Variants in CCDC163 observed in about 807,000 individuals in gnomAD.
The protein encoded by CCDC163 is transmembrane protein CCDC163.
A neutral mutation model predicts 8.2 loss-of-function variants in CCDC163; 13 were observed. The ratio of observed to expected loss-of-function variants is 1.59; its 90% CI spans 1.04 to 2.54. The LOEUF is 2.54. CCDC163 is among the 30% of genes most tolerant of loss of function. CCDC163 has a pLI of 0.00. For missense variants in CCDC163, 117 were observed against 78.6 expected (o/e 1.49, Z -1.85); for synonymous variants, 41 against 30.9 (o/e 1.33, Z -1.08).
intron 4 of CCDC163, chr1:45,496,124 A>G (rs986902476): frequency 1.7e-5 from 5 of 292,790 alleles, no homozygotes; most frequent in Non-Finnish European, 3.3e-5. Flanking sequence ...GACCTGTGAG[A>G]CAATTTCCCT....
At position 45,496,640 on chromosome 1, in the gene CCDC163, A is replaced by G; in HGVS notation, c.263-17T>C. On this transcript the variant is annotated splice_polypyrimidine_tract_variant and intron_variant, in intron 3 of 4. Transcript: ENST00000629482. ...GGTGCTGGCCTGCAGATGAGAGAGA[A>G]TGTAAGGGGGCTGTTCCCCAACTTC... 3.9e-6 allele frequency: 3 copies of G among 776,760 alleles called. No individual in the cohort carries two copies. In the East Asian group the frequency reaches 7.3e-5, roughly 19 times the overall value. 48.1% of individuals were successfully genotyped at this position (776,760 alleles called of 1,614,324 possible).
chr1:45,497,445 C>G (rs1654263785), intron 2 of CCDC163, 62 bp from the exon 3 acceptor site: 1 of 737,964 alleles, frequency 1.4e-6, no homozygotes, highest in East Asian at 2.5e-5. Flanking sequence ...TCTTGTGAAA[C>G]TCTTAGAGAG....
chr1:45,497,706 T>TGGG (rs1311340376), intron 2 of CCDC163, among the ~76,000 whole-genome samples: 1 of 14,190 alleles, frequency 7.0e-5, no homozygotes, highest in South Asian at 2.2e-3. Context: ...GGGAGGGAGG[T>TGGG]GGAGGGGGTC....
Position 45,500,038 on chromosome 1 carries a change from C to A in CCDC163, c.-429G>T. ...GCCACCTGGGAAACTGAGGTCGCCT[C>A]TTGCGAACACAACCGGCGATGGAGG... On this transcript the variant is annotated 5_prime_UTR_variant, in exon 1 of 5. Transcript: ENST00000629482. The A allele has an allele frequency of 1.9e-6, 1 of 531,008 alleles. No homozygotes were observed. The allele number at this position is 531,008 out of a possible 1,614,324, so 32.9% of individuals were successfully genotyped here. A position where few individuals can be genotyped will look rare whatever the true frequency, so the allele number is the denominator to read the frequency against.
intron 4 of CCDC163, among the ~76,000 whole-genome samples, chr1:45,495,713 C>G (rs1273451083): frequency 7.2e-6 from 1 of 138,444 alleles, no homozygotes; most frequent in Non-Finnish European, 1.5e-5. Context: ...GTCACCCAAG[C>G]TGGAGTGCAA....
At position 45,497,515 on chromosome 1, in the gene CCDC163, G is replaced by C. The variant is rs903376192; in HGVS notation, c.178-132C>G. 5.1e-6 allele frequency: 3 copies of C among 584,938 alleles called. No homozygotes were observed. The Admixed American group carries it at 7.6e-5, about 15-fold the overall frequency. The allele number at this position is 584,938 out of a possible 1,614,324, so 36.2% of individuals were successfully genotyped here. ...AAGTTCAAAGGCCTCAAGAAGGCAA[G>C]GCCGCACTCAGTGCTCAATGGCGCC... On this transcript the variant is annotated intron_variant, in intron 2 of 4. Transcript: ENST00000629482.
intron 2 of CCDC163, among the ~76,000 whole-genome samples, 175 bp downstream of exon 2, chr1:45,499,170 C>G (rs1257531456): frequency 6.6e-6 from 1 of 152,130 alleles, no homozygotes; most frequent in East Asian, 1.9e-4. Flanking sequence ...AAATCCAGGT[C>G]CCAGCCAGGT....
In CCDC163 at chr1:45,499,512, G is replaced by A. The variant is rs1296302900; in HGVS notation, c.78+20C>T. 4 of 778,316 alleles carry A rather than the reference G, an allele frequency of 5.1e-6. No individual in the cohort carries two copies. In the Admixed American group the frequency reaches 6.8e-5, roughly 13 times the overall value. 48.2% of individuals were successfully genotyped at this position (778,316 alleles called of 1,614,324 possible). On this transcript the variant is annotated intron_variant, in intron 1 of 4. Transcript: ENST00000629482. ...CCTTAGCCTCCCCACGCAAACTGGG[G>A]ACCTCCACCAACCCCTCACCTTATT...
intron 3 of CCDC163, among the ~76,000 whole-genome samples, chr1:45,496,988 C>T (rs1654209492): frequency 6.6e-6 from 1 of 152,142 alleles, no homozygotes; most frequent in African/African-American, 2.4e-5. Context: ...TGGTGAAACC[C>T]CATTTCTACT....
chr1:45,499,507 C>T (rs1643477651), intron 1 of CCDC163, 25 bp downstream of exon 1: 1 of 778,174 alleles, frequency 1.3e-6, no homozygotes, highest in African/African-American at 1.7e-5. Flanking sequence ...CCCACGCAAA[C>T]TGGGGACCTC....
Position 45,494,932 on chromosome 1 carries a change from A to G in CCDC163, c.*127T>C. On this transcript the variant is annotated 3_prime_UTR_variant, in exon 5 of 5. Transcript: ENST00000629482. ...GGATGGGCAGGCAGTGAAAAGCCTC[A>G]GTAGATAAGACAGATAATAGCTACT... 1.5e-6 allele frequency: 1 copy of G among 670,092 alleles called. No homozygotes were observed. Among genetic ancestry groups the G allele is most frequent in the East Asian group, 2.6e-5 (1 of 38,092 alleles). 41.5% of individuals were successfully genotyped at this position (670,092 alleles called of 1,614,324 possible).
chr1:45,495,284 G>A (rs934283726), intron 4 of CCDC163, 118 bp from the exon 5 acceptor site: 9 of 723,376 alleles, frequency 1.2e-5, no homozygotes, highest in Non-Finnish European at 2.3e-5. Flanking sequence ...AGGATAAACA[G>A]CAACAGAGGT....
At chr1:45,498,837 C>T (rs182374007) in intron 2 of CCDC163, among the ~76,000 whole-genome samples, 21 of 152,334 alleles carry the variant, frequency 1.4e-4, no homozygotes, top group Admixed American at 9.1e-4. Flanking sequence ...TTCTGCTGCT[C>T]TCGCTCTTCT....
intron 2 of CCDC163, among the ~76,000 whole-genome samples, chr1:45,497,641 G>A (rs1355821278): frequency 2.7e-5 from 3 of 110,998 alleles, no homozygotes; most frequent in Non-Finnish European, 5.4e-5. Flanking sequence ...CCTCTGCCCG[G>A]CCGCCACCCC....
intron 2 of CCDC163, among the ~76,000 whole-genome samples, chr1:45,497,748 G>A (rs1455636639): frequency 4.2e-5 from 1 of 23,882 alleles, no homozygotes; most frequent in East Asian, 8.5e-4. Context: ...CCCCGTCTGG[G>A]AGGGAGGTGG....
chr1:45,495,290 G>C, intron 4 of CCDC163, 124 bp from the exon 5 acceptor site: 1 of 714,978 alleles, frequency 1.4e-6, no homozygotes, highest in Non-Finnish European at 2.6e-6. Flanking sequence ...AACAGCAACA[G>C]AGGTCAGTGA....
At position 45,499,937 on chromosome 1, in the gene CCDC163, C is replaced by T. The variant is rs1217281577; in HGVS notation, c.-328G>A. ...TGGCGCCACCACGCCAAACCTGTGCCAGTGACAACTGCCGCCGCCGGGTTC... is the reference window on the plus strand; with the variant it reads ...TGGCGCCACCACGCCAAACCTGTGCTAGTGACAACTGCCGCCGCCGGGTTC... On this transcript the variant is annotated 5_prime_UTR_variant, in exon 1 of 5. Coordinates refer to ENST00000629482, the MANE Select transcript of CCDC163 (RefSeq NM_001102601.3). The T allele has an allele frequency of 1.4e-5, 7 of 489,338 alleles. No individual in the cohort carries two copies. The East Asian group carries it at 2.4e-4, about 17-fold the overall frequency. The allele number at this position is 489,338 out of a possible 1,614,324, so 30.3% of individuals were successfully genotyped here.
intron 2 of CCDC163, among the ~76,000 whole-genome samples, chr1:45,497,764 T>G: frequency 4.5e-5 from 5 of 110,008 alleles, no homozygotes; most frequent in Middle Eastern, 4.3e-3. Context: ...GGTGGGGGTG[T>G]CAGCCCCCCG....
chr1:45,495,432 A>G (rs142543793), intron 4 of CCDC163: 18 of 702,844 alleles, frequency 2.6e-5, no homozygotes, highest in Non-Finnish European at 4.4e-5. Flanking sequence ...CTTCCATAAA[A>G]GTTCCCAGCT....
Sources: gnomAD v4.1 joint callset for allele counts (sites outside exome capture counted in the v4.1 genomes callset) on GRCh38, gnomAD v4.1.1 for gene constraint, MANE v1.5 for transcripts, NCBI Gene and HGNC (gene_info 2026-07-23, HGNC 2026-07-21) for gene names.